Variants in GRM7 observed in about 807,000 individuals in gnomAD.
GRM7 encodes the protein metabotropic glutamate receptor 7.
A neutral mutation model predicts 84.5 loss-of-function variants in GRM7; 35 were observed. That is an observed-to-expected ratio of 0.41 (90% CI 0.32 to 0.55). The LOEUF (loss-of-function observed/expected upper bound fraction) is 0.55, where lower values mean the gene tolerates loss of function less well. GRM7 is among the 20% of genes least tolerant of loss of function. The probability of loss-of-function intolerance (pLI) is 0.19; values close to 1 mark genes in which losing one functional copy is unlikely to be tolerated. For missense variants in GRM7, 1,003 were observed against 1,194.6 expected, an observed-to-expected ratio of 0.84 and a Z score of 2.36; for synonymous variants, 487 against 455.1, an observed-to-expected ratio of 1.07 and a Z score of -0.89.
chr3:7,348,954 C>A (rs935692791), intron 4 of GRM7, among the ~76,000 whole-genome samples: 1 of 152,186 alleles, frequency 6.6e-6, no homozygotes, highest in East Asian at 1.9e-4. Flanking sequence ...CATTTTCATT[C>A]ATAATTTATT....
chr3:7,403,321 A>G (rs1439772586), intron 4 of GRM7: 1 of 177,328 alleles, frequency 5.6e-6, no homozygotes, highest in Non-Finnish European at 1.2e-5. Flanking sequence ...ACTTGCTTAG[A>G]CATTTCTAAA....
chr3:7,497,308 T>C (rs142408691), intron 7 of GRM7, among the ~76,000 whole-genome samples: 6 of 152,258 alleles, frequency 3.9e-5, no homozygotes, highest in African/African-American at 1.4e-4. Context: ...AGCTGTCACA[T>C]TAGGCCATGA....
At chr3:7,140,195 G>A (rs1222784845) in intron 1 of GRM7, among the ~76,000 whole-genome samples, 2 of 151,912 alleles carry the variant, frequency 1.3e-5, no homozygotes, top group African/African-American at 4.8e-5. Context: ...CCTTGAATAG[G>A]TGATAAAAGG....
chr3:7,434,979 T>C (rs1696982998), intron 5 of GRM7, among the ~76,000 whole-genome samples: 1 of 152,194 alleles, frequency 6.6e-6, no homozygotes, highest in African/African-American at 2.4e-5. Context: ...ATTTAACATA[T>C]ACAAGGACAT....
chr3:6,873,355 G>A (rs868312073), intron 1 of GRM7, among the ~76,000 whole-genome samples: 2 of 152,122 alleles, frequency 1.3e-5, no homozygotes, highest in Admixed American at 6.5e-5. Context: ...TTACGGGCGT[G>A]AGCCACCTTG....
intron 1 of GRM7, among the ~76,000 whole-genome samples, chr3:6,890,294 T>C (rs2124981169): frequency 6.6e-6 from 1 of 152,320 alleles, no homozygotes; most frequent in African/African-American, 2.4e-5. Context: ...TGTTTGCTCT[T>C]GCTTTTCTAG....
intron 7 of GRM7, among the ~76,000 whole-genome samples, chr3:7,471,493 T>A (rs765381961): frequency 1.6e-4 from 25 of 152,200 alleles, no homozygotes; most frequent in Non-Finnish European, 3.1e-4. Flanking sequence ...TGTGACCCCT[T>A]TCCTCTGTCC....
chr3:7,229,757 A>C (rs926032835), intron 2 of GRM7, among the ~76,000 whole-genome samples: 1 of 26,878 alleles, frequency 3.7e-5, no homozygotes, highest in South Asian at 1.4e-3. Flanking sequence ...ATATATATAT[A>C]TATTTTTTTT....
rs183540894 is a variant in GRM7 at position 7,293,343 on chromosome 3, C to G, written c.737-5341C>G. 6.4e-4 allele frequency among the ~76,000 whole-genome samples: 97 copies of G among 152,236 alleles called. 1 individual carries two copies. The highest frequency in any genetic ancestry group is 3.4e-3 in the Middle Eastern group (1 of 294). On this transcript the variant is annotated intron_variant, in intron 2 of 9. Coordinates refer to ENST00000357716, the MANE Select transcript of GRM7 (RefSeq NM_000844.4). ...ACAGAAAACTGACCAGTTTTCAGCTCTAAATCAAGAAGCAGATTGATTTCT... is the reference window on the plus strand; with the variant it reads ...ACAGAAAACTGACCAGTTTTCAGCTGTAAATCAAGAAGCAGATTGATTTCT...
At chr3:7,503,568 T>A (rs1699948729) in intron 7 of GRM7, among the ~76,000 whole-genome samples, 1 of 152,168 alleles carries the variant, frequency 6.6e-6, no homozygotes, top group Admixed American at 6.5e-5. Context: ...GAAAACAGTA[T>A]CTTCTAATCA....
intron 2 of GRM7, among the ~76,000 whole-genome samples, chr3:7,278,146 C>A (rs1252357218): frequency 6.6e-6 from 1 of 151,972 alleles, no homozygotes; most frequent in East Asian, 1.9e-4. Context: ...ATAAGATGCA[C>A]AAAGACTTTA....
intron 7 of GRM7, among the ~76,000 whole-genome samples, chr3:7,549,761 A>C (rs181785433): frequency 8.8e-4 from 134 of 152,358 alleles, no homozygotes; most frequent in Non-Finnish European, 6.9e-4. Flanking sequence ...AGATTTTGAA[A>C]TCGCTTGTGA....
chr3:7,438,132 G>A lies in GRM7; in HGVS notation c.1175-14475G>A, dbSNP rs148536429. Among the ~76,000 whole-genome samples the A allele has an allele frequency of 8.0e-4, 121 of 152,108 alleles. 2 individuals are homozygous for A. The highest frequency in any genetic ancestry group is 2.8e-3 in the African/African-American group (117 of 41,514). On this transcript the variant is annotated intron_variant, in intron 5 of 9. Transcript: ENST00000357716. Reference sequence around the variant, plus strand: ...GGTGAGGGGTTTCAATCAGGGGAGTGGCATGGCCTAGTTTGCAATTTAGTG... The same window carrying A: ...GGTGAGGGGTTTCAATCAGGGGAGTAGCATGGCCTAGTTTGCAATTTAGTG...
intron 3 of GRM7, among the ~76,000 whole-genome samples, chr3:7,305,184 T>A (rs1409027592): frequency 6.6e-6 from 1 of 152,170 alleles, no homozygotes; most frequent in Non-Finnish European, 1.5e-5. Context: ...TTATACTGAC[T>A]TTTAGTCATT....
intron 4 of GRM7, among the ~76,000 whole-genome samples, chr3:7,331,117 G>T (rs145499267): frequency 2.6e-5 from 4 of 152,178 alleles, no homozygotes; most frequent in Non-Finnish European, 5.9e-5. Context: ...CAAGATCGGG[G>T]ATCCATGTCT....
At chr3:7,129,157 C>T (rs1221587171) in intron 1 of GRM7, among the ~76,000 whole-genome samples, 1 of 152,042 alleles carries the variant, frequency 6.6e-6, no homozygotes, top group African/African-American at 2.4e-5. Context: ...TGTAGGTGAC[C>T]CTAATGGAAT....
intron 2 of GRM7, among the ~76,000 whole-genome samples, chr3:7,194,762 C>T (rs758406004): frequency 6.6e-6 from 1 of 152,124 alleles, no homozygotes; most frequent in South Asian, 2.1e-4. Context: ...TGTCTTACAG[C>T]GTTGTTGTAA....
At chr3:7,392,327 C>T (rs1695034916) in intron 4 of GRM7, among the ~76,000 whole-genome samples, 1 of 152,224 alleles carries the variant, frequency 6.6e-6, no homozygotes, top group African/African-American at 2.4e-5. Context: ...AGTCCTGAGA[C>T]AGGGAAGAGT....
intron 1 of GRM7, among the ~76,000 whole-genome samples, chr3:6,935,414 C>T (rs1697652576): frequency 6.6e-6 from 1 of 151,184 alleles, no homozygotes; most frequent in African/African-American, 2.4e-5. Flanking sequence ...TGGCAAAGCT[C>T]AAAGAATAAT....
Sources: allele counts gnomAD v4.1 joint callset (sites outside exome capture counted in the v4.1 genomes callset), GRCh38; gene constraint gnomAD v4.1.1; transcripts MANE v1.5; gene names NCBI Gene and HGNC (gene_info 2026-07-23, HGNC 2026-07-21).